Variants in KATNBL1 observed in about 807,000 individuals in gnomAD.
KATNBL1 encodes katanin regulatory subunit B1 like 1.
Under a neutral mutation model 44.7 loss-of-function variants are expected in KATNBL1, and 28 were observed. That is an observed-to-expected ratio of 0.63 (90% CI 0.46 to 0.86). KATNBL1 has a LOEUF of 0.86. Ranked by LOEUF, KATNBL1 falls within the 40% of genes least tolerant of loss-of-function variation. The probability of loss-of-function intolerance (pLI) is 0.00; values close to 1 mark genes in which losing one functional copy is unlikely to be tolerated. For missense variants in KATNBL1, 272 were observed against 350.7 expected, an observed-to-expected ratio of 0.78 and a Z score of 1.79; for synonymous variants, 78 against 114.9, an observed-to-expected ratio of 0.68 and a Z score of 2.06.
At position 34,189,182 on chromosome 15, in the gene KATNBL1, G is replaced by A. The variant is rs562517705; in HGVS notation, c.-15+20769C>T. Among the ~76,000 whole-genome samples the A allele has an allele frequency of 3.9e-5, 6 of 152,166 alleles. No individual in the cohort carries two copies. In the South Asian group the frequency reaches 1.0e-3, roughly 26 times the overall value. On this transcript the variant is annotated intron_variant, in intron 1 of 9. Transcript: ENST00000256544. ...TGGGATTACAGGCATGCGCCACCAC[G>A]CCCAGCTAATTTTGTATTTTTAGTA... is the stretch of plus-strand genomic sequence containing the variant.
At chr15:34,169,625 A>T (rs1889096529) in intron 1 of KATNBL1, among the ~76,000 whole-genome samples, 1 of 151,298 alleles carries the variant, frequency 6.6e-6, no homozygotes, top group Non-Finnish European at 1.5e-5. Context: ...AGCCTGGCAG[A>T]GACACAACAA....
Position 34,163,595 on chromosome 15 carries a change from T to C in KATNBL1, c.82A>G (p.Lys28Glu), listed in dbSNP as rs1223277479. The C allele has an allele frequency of 6.3e-7, 1 of 1,597,264 alleles. No individual in the cohort carries two copies. The highest frequency in any genetic ancestry group is 2.3e-5 in the East Asian group (1 of 44,386). The change falls in exon 2 of 10, where the codon AAG (lysine) becomes GAG (glutamate). Residue 28 changes from lysine to glutamate, a missense_variant. Physicochemically the swap from Lys to Glu is moderately conservative, Grantham distance 56 (BLOSUM62 1). This residue lies in a region of KATNBL1 where 122 missense variants were observed against 125.0 expected (regional missense o/e 0.98). Coordinates refer to ENST00000256544, the MANE Select transcript of KATNBL1 (RefSeq NM_024713.3). ...TTCTTATTAGTGAAATTAGAGATCT[T>C]TTTTCTAGGAAGATCAATGAAATGA... ...EDHFIDLPRKKISNFTNKNMK... is the reference protein window; with the variant it reads ...EDHFIDLPRKEISNFTNKNMK...
intron 1 of KATNBL1, among the ~76,000 whole-genome samples, chr15:34,191,978 T>C (rs1889887612): frequency 6.8e-6 from 1 of 147,486 alleles, no homozygotes; most frequent in Non-Finnish European, 1.5e-5. Flanking sequence ...AAAAAATCCA[T>C]CCTACAGATA....
chr15:34,151,867 G>C (rs1471696942), intron 4 of KATNBL1, among the ~76,000 whole-genome samples: 1 of 151,930 alleles, frequency 6.6e-6, no homozygotes, highest in African/African-American at 2.4e-5. Flanking sequence ...CAGCAGGTTT[G>C]CCTGAACTAT....
At chr15:34,209,179 C>CA (rs1003707358) in intron 1 of KATNBL1, 1 of 152,142 alleles carries the variant, frequency 6.6e-6, no homozygotes, top group African/African-American at 2.4e-5. Context: ...AAAGAAACTC[C>CA]AAAAAACCCA....
At chr15:34,199,170 G>T (rs1890102039) in intron 1 of KATNBL1, among the ~76,000 whole-genome samples, 2 of 152,192 alleles carry the variant, frequency 1.3e-5, no homozygotes, top group African/African-American at 4.8e-5. Context: ...CAGGCGCAGT[G>T]GCTCAGGCCT....
intron 9 of KATNBL1, among the ~76,000 whole-genome samples, chr15:34,143,217 G>A (rs535549202): frequency 2.1e-5 from 3 of 144,786 alleles, no homozygotes; most frequent in East Asian, 2.2e-4. Flanking sequence ...GCTCCCGCCT[G>A]TAATCCCATT....
chr15:34,169,399 C>T (rs1362951576), intron 1 of KATNBL1, among the ~76,000 whole-genome samples: 1 of 152,048 alleles, frequency 6.6e-6, no homozygotes, highest in East Asian at 1.9e-4. Context: ...GGAAGAAGTT[C>T]AATTGCTGAA....
At chr15:34,183,886 T>C (rs1889636309) in intron 1 of KATNBL1, among the ~76,000 whole-genome samples, 1 of 152,136 alleles carries the variant, frequency 6.6e-6, no homozygotes, top group African/African-American at 2.4e-5. Flanking sequence ...ACTCCTAAAC[T>C]CGGCTGGGTG....
chr15:34,207,367 C>T (rs1890322865), intron 1 of KATNBL1, among the ~76,000 whole-genome samples: 1 of 152,088 alleles, frequency 6.6e-6, no homozygotes, highest in Non-Finnish European at 1.5e-5. Context: ...TGACACCACG[C>T]CCAGCTAATT....
At chr15:34,184,048 A>G (rs1889641989) in intron 1 of KATNBL1, among the ~76,000 whole-genome samples, 1 of 152,202 alleles carries the variant, frequency 6.6e-6, no homozygotes, top group Non-Finnish European at 1.5e-5. Flanking sequence ...TCACGCCTGT[A>G]ATCCCAGCAC....
chr15:34,187,442 T>G (rs1716738323), intron 1 of KATNBL1, among the ~76,000 whole-genome samples: 1 of 152,184 alleles, frequency 6.6e-6, no homozygotes, highest in Non-Finnish European at 1.5e-5. Flanking sequence ...GCAAAGGCAC[T>G]GCAGCCACAG....
intron 1 of KATNBL1, among the ~76,000 whole-genome samples, chr15:34,185,304 C>A (rs1387677290): frequency 6.6e-6 from 1 of 152,182 alleles, no homozygotes; most frequent in African/African-American, 2.4e-5. Flanking sequence ...TCGTTGATTT[C>A]TTCCTTCACT....
At chr15:34,206,423 G>A (rs1452728830) in intron 1 of KATNBL1, among the ~76,000 whole-genome samples, 1 of 152,142 alleles carries the variant, frequency 6.6e-6, no homozygotes, top group Non-Finnish European at 1.5e-5. Context: ...CAAAGTTAAG[G>A]GGTATTAAGC....
intron 5 of KATNBL1, 69 bp downstream of exon 5, chr15:34,148,563 G>T: frequency 1.1e-6 from 1 of 904,940 alleles, no homozygotes; most frequent in Non-Finnish European, 1.8e-6. Flanking sequence ...ACTCCAACTT[G>T]GATGACAAAG....
At chr15:34,189,040 AT>A (rs909903735) in intron 1 of KATNBL1, among the ~76,000 whole-genome samples, 2 of 151,192 alleles carry the variant, frequency 1.3e-5, no homozygotes, top group African/African-American at 2.4e-5. Flanking sequence ...CCTGGAACAC[AT>A]TTTTTTTTGA....
chr15:34,162,724 C>G (rs561977580), intron 2 of KATNBL1, among the ~76,000 whole-genome samples: 2 of 152,056 alleles, frequency 1.3e-5, no homozygotes, highest in African/African-American at 4.8e-5. Flanking sequence ...ATCCTCCTAC[C>G]TCAGCCTCCC....
chr15:34,142,385 A>C lies in KATNBL1; in HGVS notation c.883-14T>G. 1 of 1,579,562 alleles carries C rather than the reference A, an allele frequency of 6.3e-7. No individual in the cohort carries two copies. On this transcript the variant is annotated splice_polypyrimidine_tract_variant and intron_variant, in intron 9 of 9. Coordinates refer to ENST00000256544, the MANE Select transcript of KATNBL1 (RefSeq NM_024713.3). ...AGCATCTACATCCTTAGAAGATAAA[A>C]CAAAAACATTTCATTAGACAGTACA...
intron 1 of KATNBL1, among the ~76,000 whole-genome samples, chr15:34,180,654 C>T (rs1405357758): frequency 6.6e-6 from 1 of 152,206 alleles, no homozygotes; most frequent in Non-Finnish European, 1.5e-5. Context: ...AACCAACTTG[C>T]TGCCCTTCCT....
Sources: gnomAD v4.1 joint callset for allele counts (sites outside exome capture counted in the v4.1 genomes callset) on GRCh38, gnomAD v4.1.1 for gene constraint, gnomAD v4.1.1 regional missense constraint, MANE v1.5 for transcripts, NCBI Gene and HGNC (gene_info 2026-07-23, HGNC 2026-07-21) for gene names.